Variants in GC observed in about 807,000 individuals in gnomAD.
The protein encoded by GC is vitamin D-binding protein.
A neutral mutation model predicts 56.7 loss-of-function variants in GC; 43 were observed. That is an observed-to-expected ratio of 0.76 (90% confidence interval 0.59 to 0.98). The LOEUF (loss-of-function observed/expected upper bound fraction) is 0.98. GC is among the 50% of genes least tolerant of loss of function. GC has a pLI of 0.00. For synonymous variants in GC, 216 were observed against 202.7 expected, an observed-to-expected ratio of 1.07 and a Z score of -0.56; for missense variants, 529 against 545.9, an observed-to-expected ratio of 0.97 and a Z score of 0.31.
chr4:71,758,259 T>C lies in GC; in HGVS notation c.702-88A>G, dbSNP rs547640798. 3.5e-6 allele frequency: 4 copies of C among 1,156,260 alleles called. No individual in the cohort carries two copies. In the African/African-American group the frequency reaches 4.5e-5, roughly 13 times the overall value. The allele number at this position is 1,156,260 out of a possible 1,614,324, so 71.6% of individuals were successfully genotyped here. A position where few individuals can be genotyped will look rare whatever the true frequency, so the allele number is the denominator to read the frequency against. Reference sequence around the variant, plus strand: ...GAACGCACTATTTGGAGAAATAATATCACAATTTCACCTCCTTGGCCTCAA... The same window carrying C: ...GAACGCACTATTTGGAGAAATAATACCACAATTTCACCTCCTTGGCCTCAA... On this transcript the variant is annotated intron_variant, in intron 6 of 12. Coordinates refer to ENST00000273951, the MANE Select transcript of GC (RefSeq NM_000583.4).
In GC at chr4:71,761,610, G is replaced by A. The variant is rs117959396; in HGVS notation, c.701+1798C>T. On this transcript the variant is annotated intron_variant, in intron 6 of 12. Coordinates refer to ENST00000273951, the MANE Select transcript of GC (RefSeq NM_000583.4). Reference sequence around the variant, plus strand: ...CTTCACAGCAGCCCATCCCATCACAGGCCTGGAGACCTAGGAGGAAAAAGT... The same window carrying A: ...CTTCACAGCAGCCCATCCCATCACAAGCCTGGAGACCTAGGAGGAAAAAGT... Among the ~76,000 whole-genome samples, 789 of 152,278 alleles carry A rather than the reference G, an allele frequency of 5.2e-3. 16 individuals carry two copies. In the East Asian group the frequency reaches 0.057, roughly 11 times the overall value.
chr4:71,787,808 C>T (rs1742875779), upstream of GC, among the ~76,000 whole-genome samples: 5 of 151,796 alleles, frequency 3.3e-5, no homozygotes, highest in South Asian at 8.3e-4. Context: ...GAAATTATGC[C>T]CAAGTTTCTA....
At chr4:71,793,633 T>C (rs1345455806) in intron 1 of GC, among the ~76,000 whole-genome samples, 1 of 152,182 alleles carries the variant, frequency 6.6e-6, no homozygotes, top group African/African-American at 2.4e-5. Context: ...TTTTCCTAAT[T>C]GAATACCCTT....
At chr4:71,757,731 T>G (rs1349928824) in intron 7 of GC, among the ~76,000 whole-genome samples, 1 of 152,134 alleles carries the variant, frequency 6.6e-6, no homozygotes, top group East Asian at 1.9e-4. Flanking sequence ...TATAATTAAA[T>G]TTAAATGACC....
At chr4:71,753,981 C>T (rs1741638364) in intron 10 of GC, among the ~76,000 whole-genome samples, 2 of 152,148 alleles carry the variant, frequency 1.3e-5, no homozygotes, top group Admixed American at 1.3e-4. Context: ...TTTAATTGGC[C>T]ACCCACTTGC....
At chr4:71,752,222 C>G (rs1741579045) in intron 11 of GC, among the ~76,000 whole-genome samples, 1 of 152,150 alleles carries the variant, frequency 6.6e-6, no homozygotes, top group Non-Finnish European at 1.5e-5. Context: ...GGTTACAACT[C>G]ACAATTTGTA....
At chr4:71,803,488 G>A (rs1186715779) in intron 1 of GC, among the ~76,000 whole-genome samples, 1 of 151,844 alleles carries the variant, frequency 6.6e-6, no homozygotes, top group African/African-American at 2.4e-5. Flanking sequence ...TTTATTCAAG[G>A]TATTGTCATT....
rs1743307369 is a variant in GC at position 71,804,010 on chromosome 4, G to A, written c.-64C>T. 4.1e-6 allele frequency: 4 copies of A among 985,806 alleles called. No homozygotes were observed. The Admixed American group carries it at 6.0e-5, about 15-fold the overall frequency. 61.1% of individuals were successfully genotyped at this position (985,806 alleles called of 1,614,324 possible). A position where few individuals can be genotyped will look rare whatever the true frequency, so the allele number is the denominator to read the frequency against. On this transcript the variant is annotated 5_prime_UTR_variant, in exon 1 of 14. Transcript: ENST00000504199. The stretch of plus-strand genomic sequence containing the variant: ...TAGAATAGGTAGATATCATTCTCCT[G>A]GTGGAGTAAGCAATCTCTTTGAAAA...
Position 71,754,595 on chromosome 4 carries a change from T to C in GC, c.1165-87A>G. 6 of 758,652 alleles carry C rather than the reference T, an allele frequency of 7.9e-6. No homozygotes were observed. The East Asian group carries it at 1.6e-4, about 20-fold the overall frequency. The allele number at this position is 758,652 out of a possible 1,614,324, so 47.0% of individuals were successfully genotyped here. ...CATTAAATCAAAATTCCAAATATTG[T>C]ATCATTAAGCATTGGCAACTATTTT... is the stretch of plus-strand genomic sequence containing the variant. On this transcript the variant is annotated intron_variant, in intron 9 of 12. Transcript: ENST00000273951.
At chr4:71,785,838 C>G (rs1480326777), upstream of GC, 3 of 151,712 alleles carry the variant, frequency 2.0e-5, no homozygotes, top group African/African-American at 7.3e-5. Context: ...CTCAGAACCC[C>G]GGAACTCAAA....
At chr4:71,766,967 T>C (rs1742176946) in intron 3 of GC, among the ~76,000 whole-genome samples, 1 of 152,204 alleles carries the variant, frequency 6.6e-6, no homozygotes, top group Admixed American at 6.5e-5. Context: ...AGACAGATCA[T>C]ATCTCTGATC....
intron 4 of GC, among the ~76,000 whole-genome samples, chr4:71,764,586 T>C (rs945455217): frequency 3.3e-5 from 5 of 152,184 alleles, no homozygotes; most frequent in African/African-American, 9.6e-5. Context: ...AGATTAATTT[T>C]TCATTATCTA....
intron 1 of GC, among the ~76,000 whole-genome samples, chr4:71,771,410 G>A (rs948762558): frequency 1.3e-5 from 2 of 152,036 alleles, no homozygotes; most frequent in Non-Finnish European, 2.9e-5. Context: ...GCCTGTAGAG[G>A]AAGCAGTCGC....
chr4:71,771,841 A>G (rs1742353708), intron 1 of GC, among the ~76,000 whole-genome samples: 1 of 152,176 alleles, frequency 6.6e-6, no homozygotes, highest in African/African-American at 2.4e-5. Context: ...ACTAGAACAC[A>G]GAGAAGAATA....
intron 3 of GC, among the ~76,000 whole-genome samples, chr4:71,765,866 C>G (rs972942298): frequency 6.6e-6 from 1 of 151,986 alleles, no homozygotes; most frequent in African/African-American, 2.4e-5. Flanking sequence ...CAGAGTAGAA[C>G]AAAAATAGAA....
At chr4:71,802,164 A>G (rs1743267775) in intron 1 of GC, among the ~76,000 whole-genome samples, 1 of 152,160 alleles carries the variant, frequency 6.6e-6, no homozygotes, top group African/African-American at 2.4e-5. Context: ...TCATTAATTT[A>G]TCATTTAAAT....
At chr4:71,768,576 C>T in intron 2 of GC, 143 bp from the exon 3 acceptor site, 1 of 586,494 alleles carries the variant, frequency 1.7e-6, no homozygotes, top group Non-Finnish European at 2.8e-6. Flanking sequence ...TCAAGCAATT[C>T]TGCCTCAGCC....
chr4:71,741,992 C>T (rs1207669634), intron 12 of GC, 122 bp from the exon 13 acceptor site: 2 of 681,452 alleles, frequency 2.9e-6, no homozygotes, highest in East Asian at 5.4e-5. Flanking sequence ...AAAAATGACT[C>T]TGTCTAGGAT....
At chr4:71,751,753 G>A (rs1741563137) in intron 11 of GC, among the ~76,000 whole-genome samples, 1 of 151,814 alleles carries the variant, frequency 6.6e-6, no homozygotes, top group African/African-American at 2.4e-5. Context: ...GAGTAGGGAG[G>A]GAAACTGGAA....
Sources: allele counts gnomAD v4.1 joint callset (sites outside exome capture counted in the v4.1 genomes callset), GRCh38; gene constraint gnomAD v4.1.1; transcripts MANE v1.5; gene names NCBI Gene and HGNC (gene_info 2026-07-23, HGNC 2026-07-21).